The following SOS2 variants were observed in gnomAD, a reference collection of about 807,000 sequenced individuals.
The protein encoded by SOS2 is son of sevenless homolog 2.
SOS2 carries 65 observed loss-of-function variants against 148.2 expected under a neutral mutation model. That is an observed-to-expected ratio of 0.44 (90% confidence interval 0.36 to 0.54). SOS2 has a LOEUF of 0.54. Ranked by LOEUF, SOS2 falls within the 20% of genes least tolerant of loss-of-function variation. The probability of loss-of-function intolerance (pLI) is 0.00; values close to 1 mark genes in which losing one functional copy is unlikely to be tolerated. For missense variants in SOS2, 1,341 were observed against 1,590.2 expected (o/e 0.84, Z 2.67); for synonymous variants, 539 against 537.1 (o/e 1.00, Z -0.05).
At chr14:50,230,790 C>T in intron 1 of SOS2, 1 of 590,662 alleles carries the variant, frequency 1.7e-6, no homozygotes, top group Non-Finnish European at 2.1e-6. Flanking sequence ...GACAAGCAAA[C>T]CGCCTAGGGG....
At position 50,204,266 on chromosome 14, in the gene SOS2, T is replaced by A. The variant is rs143888968; in HGVS notation, c.213+18A>T. 2,540 of 1,538,190 alleles carry A rather than the reference T, an allele frequency of 1.7e-3. 5 individuals carry two copies. The highest frequency in any genetic ancestry group is 2.1e-3 in the Non-Finnish European group (2,422 of 1,139,638). ...ACAGTGGTTGAGTGACTTTTTGAAA[T>A]GACAAAATAATTTTTACCTCTACAT... On this transcript the variant is annotated intron_variant, in intron 2 of 22. Coordinates refer to ENST00000216373, the MANE Select transcript of SOS2 (RefSeq NM_006939.4).
intron 1 of SOS2, among the ~76,000 whole-genome samples, chr14:50,219,833 T>C (rs1475095136): frequency 1.3e-5 from 2 of 151,930 alleles, no homozygotes; most frequent in African/African-American, 2.4e-5. Context: ...TCAGGAACCA[T>C]TTCTCGTTTG....
At chr14:50,128,110 A>G (rs1177835447) in intron 21 of SOS2, among the ~76,000 whole-genome samples, 8 of 152,204 alleles carry the variant, frequency 5.3e-5, no homozygotes, top group Non-Finnish European at 8.8e-5. Context: ...AAAATCAGGG[A>G]GCATATCAAG....
chr14:50,142,692 G>A (rs762721123), intron 16 of SOS2, among the ~76,000 whole-genome samples: 28 of 152,168 alleles, frequency 1.8e-4, no homozygotes, highest in Admixed American at 4.6e-4. Flanking sequence ...AGGTATAAGA[G>A]GATGTATTTA....
chr14:50,196,510 A>C (rs1437501168), intron 4 of SOS2, among the ~76,000 whole-genome samples: 1 of 152,024 alleles, frequency 6.6e-6, no homozygotes, highest in African/African-American at 2.4e-5. Context: ...CAAATACTAG[A>C]TCTCATTCAT....
In SOS2 at chr14:50,204,394, G is replaced by T; in HGVS notation, c.103C>A (p.His35Asn). 1 of 1,573,700 alleles carries T rather than the reference G, an allele frequency of 6.4e-7. No homozygotes were observed. Among genetic ancestry groups the T allele is most frequent in the Non-Finnish European group, 8.7e-7 (1 of 1,153,770 alleles). ...TCTTCATTAGCTGAGAGAGTGGGAT[G>T]CACTTGTTCCTGAACCTTTAAAAAA... The part of the protein sequence containing the change: ...SALRKVQEQV[H>N]PTLSANEESL... The change falls in exon 2 of 23, where the codon CAT (histidine) becomes AAT (asparagine). Residue 35 changes from histidine (H) to asparagine (N), a missense_variant. His to Asn is a moderately conservative substitution (Grantham distance 68). This residue lies in a region of SOS2 where 574 missense variants were observed against 711.1 expected (regional missense o/e 0.81). Coordinates refer to ENST00000216373, the MANE Select transcript of SOS2 (RefSeq NM_006939.4).
intron 1 of SOS2, among the ~76,000 whole-genome samples, chr14:50,220,818 G>T (rs1338830232): frequency 6.6e-6 from 1 of 152,138 alleles, no homozygotes; most frequent in African/African-American, 2.4e-5. Flanking sequence ...ATTAGCTGAA[G>T]CAAAAATTTT....
intron 4 of SOS2, among the ~76,000 whole-genome samples, chr14:50,194,402 T>C (rs1314510094): frequency 6.6e-6 from 1 of 150,640 alleles, no homozygotes; most frequent in Non-Finnish European, 1.5e-5. Context: ...CCTAGAAGAA[T>C]GCCACTAATA....
At chr14:50,147,578 G>A (rs1469350054) in intron 14 of SOS2, among the ~76,000 whole-genome samples, 1 of 149,602 alleles carries the variant, frequency 6.7e-6, no homozygotes, top group African/African-American at 2.5e-5. Context: ...CTCCGTGTAT[G>A]TTTATAAATT....
intron 1 of SOS2, among the ~76,000 whole-genome samples, chr14:50,213,434 A>G (rs2139827050): frequency 6.6e-6 from 1 of 152,346 alleles, no homozygotes; most frequent in South Asian, 2.1e-4. Flanking sequence ...GTGGTGGTTC[A>G]TGCCTATGAT....
chr14:50,136,201 G>GT (rs1884073805), intron 18 of SOS2, among the ~76,000 whole-genome samples: 1 of 152,200 alleles, frequency 6.6e-6, no homozygotes, highest in African/African-American at 2.4e-5. Flanking sequence ...TATAACAGCA[G>GT]TATTCTTGAT....
chr14:50,178,102 T>C (rs986333148), intron 7 of SOS2, among the ~76,000 whole-genome samples: 1 of 152,176 alleles, frequency 6.6e-6, no homozygotes, highest in African/African-American at 2.4e-5. Context: ...ATTGGGAACA[T>C]GTAGTATCAC....
intron 7 of SOS2, among the ~76,000 whole-genome samples, chr14:50,176,316 T>C (rs773790165): frequency 3.9e-5 from 6 of 152,260 alleles, no homozygotes; most frequent in Non-Finnish European, 8.8e-5. Context: ...ATCCAGTTTA[T>C]GATATTTTAT....
chr14:50,133,242 C>CTTT (rs753590435), intron 19 of SOS2, among the ~76,000 whole-genome samples: 18,793 of 76,236 alleles, frequency 0.25, 3,984 homozygotes, highest in Non-Finnish European at 0.31. Flanking sequence ...TTTCTTTTTT[C>CTTT]TTTTTTCTTT....
intron 21 of SOS2, among the ~76,000 whole-genome samples, chr14:50,124,930 A>G (rs963502165): frequency 1.6e-4 from 25 of 152,308 alleles, no homozygotes; most frequent in Non-Finnish European, 3.7e-4. Context: ...AAAATGTAAA[A>G]TTTTCTTATA....
intron 1 of SOS2, among the ~76,000 whole-genome samples, chr14:50,220,748 G>T (rs767289368): frequency 7.9e-5 from 12 of 152,140 alleles, no homozygotes; most frequent in Non-Finnish European, 1.6e-4. Context: ...AGGCCAAGAA[G>T]CTATTTCTAC....
At chr14:50,199,601 T>C (rs1257236453) in intron 4 of SOS2, 90 bp downstream of exon 4, 1 of 710,700 alleles carries the variant, frequency 1.4e-6, no homozygotes, top group Admixed American at 3.1e-5. Context: ...ATTATAAAGA[T>C]TACTTATCTA....
At chr14:50,230,822 T>A (rs921190306) in intron 1 of SOS2, 9 of 914,010 alleles carry the variant, frequency 9.8e-6, no homozygotes, top group Non-Finnish European at 1.2e-5. Flanking sequence ...AAGAACTTAA[T>A]TAAAAGTAAT....
At chr14:50,203,273 C>T (rs552204387) in intron 2 of SOS2, among the ~76,000 whole-genome samples, 14 of 152,140 alleles carry the variant, frequency 9.2e-5, no homozygotes, top group African/African-American at 3.4e-4. Flanking sequence ...GAGGCTGAGG[C>T]AGGAGAATAG....
Sources: gnomAD v4.1 joint callset for allele counts (sites outside exome capture counted in the v4.1 genomes callset) on GRCh38, gnomAD v4.1.1 for gene constraint, gnomAD v4.1.1 regional missense constraint, MANE v1.5 for transcripts, NCBI Gene and HGNC (gene_info 2026-07-23, HGNC 2026-07-21) for gene names.